The following CARMIL1 variants were observed in gnomAD, a reference collection of about 807,000 sequenced individuals.
CARMIL1 encodes capping protein regulator and myosin 1 linker 1, also known as F-actin-uncapping protein LRRC16A.
A neutral mutation model predicts 177.1 loss-of-function variants in CARMIL1; 90 were observed. The ratio of observed to expected loss-of-function variants is 0.51; its 90% CI spans 0.43 to 0.61. The LOEUF (loss-of-function observed/expected upper bound fraction) is 0.61. Ranked by LOEUF, CARMIL1 falls within the 20% of genes least tolerant of loss-of-function variation. The probability of loss-of-function intolerance (pLI) is 0.00; values close to 1 mark genes in which losing one functional copy is unlikely to be tolerated. For missense variants in CARMIL1, 1,380 were observed against 1,667.0 expected (o/e 0.83, Z 3.00); for synonymous variants, 577 against 606.2 (o/e 0.95, Z 0.71).
chr6:25,420,223 T>A lies in CARMIL1; in HGVS notation c.189+59T>A. On this transcript the variant is annotated intron_variant, in intron 3 of 36. Transcript: ENST00000329474. ...ACACTCACTCATACCCACTCATGCA[T>A]AGTCACTCATGCATTCTTACATGTG... 9 of 1,488,596 alleles carry A rather than the reference T, an allele frequency of 6.0e-6. No homozygotes were observed. In the South Asian group the frequency reaches 1.0e-4, roughly 17 times the overall value. 92.2% of individuals were successfully genotyped at this position (1,488,596 alleles called of 1,614,324 possible).
chr6:25,599,791 T>G (rs1815213288), intron 32 of CARMIL1, among the ~76,000 whole-genome samples: 1 of 152,082 alleles, frequency 6.6e-6, no homozygotes, highest in Non-Finnish European at 1.5e-5. Context: ...AGGAGTGGTG[T>G]GGGGTGCAGG....
chr6:25,566,793 T>G (rs1333410532), intron 29 of CARMIL1, among the ~76,000 whole-genome samples: 2 of 152,358 alleles, frequency 1.3e-5, no homozygotes, highest in East Asian at 3.9e-4. Flanking sequence ...AGAACTGGAA[T>G]TACATGTTAT....
intron 29 of CARMIL1, chr6:25,563,506 A>G (rs1396998548): frequency 1.0e-6 from 1 of 985,448 alleles, no homozygotes; most frequent in Admixed American, 6.1e-5. Context: ...TAAAAGAAAC[A>G]TCTGGAAGAA....
At chr6:25,282,264 T>A (rs1386326278) in intron 1 of CARMIL1, among the ~76,000 whole-genome samples, 2 of 152,162 alleles carry the variant, frequency 1.3e-5, no homozygotes, top group African/African-American at 4.8e-5. Context: ...TGTTTCCATG[T>A]GTATATGTTC....
At chr6:25,302,639 T>A (rs1355228788) in intron 2 of CARMIL1, among the ~76,000 whole-genome samples, 1 of 152,164 alleles carries the variant, frequency 6.6e-6, no homozygotes, top group African/African-American at 2.4e-5. Flanking sequence ...GCCCAGCCAG[T>A]CTCTTTACTC....
intron 4 of CARMIL1, among the ~76,000 whole-genome samples, chr6:25,427,782 T>A (rs1796402543): frequency 6.6e-6 from 1 of 152,344 alleles, no homozygotes; most frequent in South Asian, 2.1e-4. Flanking sequence ...CATTGTGGTT[T>A]TAATTTGCAT....
chr6:25,512,464 A>G (rs1171586639), intron 20 of CARMIL1, among the ~76,000 whole-genome samples: 1 of 152,200 alleles, frequency 6.6e-6, no homozygotes, highest in Non-Finnish European at 1.5e-5. Flanking sequence ...CTACTTTCAA[A>G]TTGGTAATAT....
intron 2 of CARMIL1, among the ~76,000 whole-genome samples, chr6:25,382,707 G>A (rs1791690822): frequency 6.6e-6 from 1 of 152,116 alleles, no homozygotes; most frequent in Admixed American, 6.5e-5. Context: ...GCAAGACACA[G>A]GGCGCTCATT....
intron 24 of CARMIL1, among the ~76,000 whole-genome samples, chr6:25,535,829 G>T (rs1808243317): frequency 6.6e-6 from 1 of 152,010 alleles, no homozygotes; most frequent in Non-Finnish European, 1.5e-5. Context: ...TCTGAGCTTT[G>T]AGCTCTTTCA....
At chr6:25,494,179 G>A (rs182899141) in intron 15 of CARMIL1, among the ~76,000 whole-genome samples, 9 of 151,390 alleles carry the variant, frequency 5.9e-5, no homozygotes, top group African/African-American at 2.2e-4. Flanking sequence ...CAATGAAGGG[G>A]AACATTAAAT....
intron 2 of CARMIL1, among the ~76,000 whole-genome samples, chr6:25,339,890 C>G (rs181056441): frequency 6.6e-6 from 1 of 152,292 alleles, no homozygotes; most frequent in East Asian, 1.9e-4. Context: ...TAGTCATTTT[C>G]TGGCACATAC....
At chr6:25,505,157 C>G in intron 17 of CARMIL1, among the ~76,000 whole-genome samples, 1 of 152,184 alleles carries the variant, frequency 6.6e-6, no homozygotes, top group Non-Finnish European at 1.5e-5. Flanking sequence ...AAGGATTACT[C>G]TCATCAGTTT....
chr6:25,552,435 A>G (rs1810196549), intron 27 of CARMIL1, among the ~76,000 whole-genome samples: 2 of 152,160 alleles, frequency 1.3e-5, no homozygotes, highest in African/African-American at 4.8e-5. Context: ...CACATCAATG[A>G]ATCAATTTTA....
At chr6:25,288,421 C>A (rs531052716) in intron 2 of CARMIL1, among the ~76,000 whole-genome samples, 7 of 151,190 alleles carry the variant, frequency 4.6e-5, no homozygotes, top group African/African-American at 1.7e-4. Flanking sequence ...TGGTTAAGGG[C>A]CCAGATTTTG....
At chr6:25,362,466 G>A (rs530592358) in intron 2 of CARMIL1, among the ~76,000 whole-genome samples, 7 of 152,246 alleles carry the variant, frequency 4.6e-5, no homozygotes, top group East Asian at 3.9e-4. Flanking sequence ...CCTGAGGTCC[G>A]GAGTTTGAGA....
intron 33 of CARMIL1, 145 bp downstream of exon 33, chr6:25,600,891 T>A: frequency 1.3e-6 from 1 of 779,676 alleles, no homozygotes; most frequent in Non-Finnish European, 1.9e-6. Flanking sequence ...CAAATTACTC[T>A]CTTCTTGCTA....
At chr6:25,298,358 C>T (rs978006015) in intron 2 of CARMIL1, among the ~76,000 whole-genome samples, 2 of 152,172 alleles carry the variant, frequency 1.3e-5, no homozygotes, top group African/African-American at 2.4e-5. Context: ...TATGTTTTCT[C>T]TGCTCAGAGC....
intron 2 of CARMIL1, among the ~76,000 whole-genome samples, chr6:25,354,270 C>A (rs1788363314): frequency 6.6e-6 from 1 of 151,872 alleles, no homozygotes; most frequent in African/African-American, 2.4e-5. Flanking sequence ...AGTGATCCTC[C>A]TGCCTCAGCT....
At chr6:25,601,086 A>G (rs543240999) in intron 33 of CARMIL1, among the ~76,000 whole-genome samples, 1 of 152,310 alleles carries the variant, frequency 6.6e-6, no homozygotes, top group African/African-American at 2.4e-5. Flanking sequence ...TTCGTGAGAT[A>G]AGTGGGGGTT....
Sources: gnomAD v4.1 joint callset for allele counts (sites outside exome capture counted in the v4.1 genomes callset) on GRCh38, gnomAD v4.1.1 for gene constraint, MANE v1.5 for transcripts, NCBI Gene and HGNC (gene_info 2026-07-23, HGNC 2026-07-21) for gene names.